YWHAE: variants seen among roughly 807,000 people sequenced by gnomAD.
The protein encoded by YWHAE is tyrosine 3-monooxygenase/tryptophan 5-monooxygenase activation protein epsilon.
A neutral mutation model predicts 30.1 loss-of-function variants in YWHAE; 4 were observed. The ratio of observed to expected loss-of-function variants is 0.13; its 90% CI spans 0.07 to 0.30. YWHAE has a LOEUF of 0.30. Among genes scored for constraint, YWHAE ranks in the 10% least tolerant of loss-of-function variants. YWHAE has a pLI of 1.00. For synonymous variants in YWHAE, 118 were observed against 111.8 expected, an observed-to-expected ratio of 1.06 and a Z score of -0.35; for missense variants, 121 against 315.9, an observed-to-expected ratio of 0.38 and a Z score of 4.68.
At chr17:1,378,796 A>G (rs1280167332) in intron 1 of YWHAE, among the ~76,000 whole-genome samples, 1 of 152,086 alleles carries the variant, frequency 6.6e-6, no homozygotes, top group East Asian at 1.9e-4. Flanking sequence ...AAATACCAAA[A>G]ATTAGTTGGG....
At position 1,367,218 on chromosome 17, in the gene YWHAE, A is replaced by C. The variant is rs549811273; in HGVS notation, c.65-2160T>G. On this transcript the variant is annotated intron_variant, in intron 1 of 5. Transcript: ENST00000264335. ...ACAGCAACTCTATTCATAATAGCCA[A>C]AAAGTGGAAACCCCTCAAATGTGCA... Among the ~76,000 whole-genome samples, 6 of 152,326 alleles carry C rather than the reference A, an allele frequency of 3.9e-5. No individual in the cohort carries two copies. In the South Asian group the frequency reaches 1.0e-3, roughly 26 times the overall value.
chr17:1,382,514 G>A (rs1173403928), intron 1 of YWHAE, among the ~76,000 whole-genome samples: 1 of 150,432 alleles, frequency 6.6e-6, no homozygotes, highest in Non-Finnish European at 1.5e-5. Context: ...CCACCACCAG[G>A]CCAGGCTAAT....
intron 4 of YWHAE, among the ~76,000 whole-genome samples, chr17:1,358,258 G>T (rs1221711883): frequency 6.6e-6 from 1 of 151,556 alleles, no homozygotes; most frequent in Non-Finnish European, 1.5e-5. Context: ...TTTTTTTTTT[G>T]AGACGGAGTC....
rs1266967793 is a variant in YWHAE, at chr17:1,355,153, T to A, written c.579-806A>T. On this transcript the variant is annotated intron_variant, in intron 4 of 5. Coordinates refer to ENST00000264335, the MANE Select transcript of YWHAE (RefSeq NM_006761.5). Reference sequence around the variant, plus strand: ...AAAAAAAAAAAAAAAAAAAAATTTTTTTTTTTTTTTTTTTTTTTTGGGGGA... The same window carrying A: ...AAAAAAAAAAAAAAAAAAAAATTTTATTTTTTTTTTTTTTTTTTTGGGGGA... Among the ~76,000 whole-genome samples the A allele has an allele frequency of 2.9e-4, 6 of 21,030 alleles. 1 individual carries two copies. Among genetic ancestry groups the A allele is most frequent in the South Asian group, 2.6e-3 (2 of 770 alleles). The allele number at this position is 21,030 out of a possible 152,430, so 13.8% of individuals were successfully genotyped here.
In YWHAE at chr17:1,400,036, C is replaced by T; in HGVS notation, c.64+11G>A. The T allele has an allele frequency of 6.2e-7, 1 of 1,613,630 alleles. No homozygotes were observed. The highest frequency in any genetic ancestry group is 8.5e-7 in the Non-Finnish European group (1 of 1,179,588). On this transcript the variant is annotated intron_variant, in intron 1 of 5. Transcript: ENST00000264335. ...CGAGAATTCCAGCCCCCCGTTGCCC[C>T]CCCAACTCACCGTCGTATCGCTCAG...
intron 5 of YWHAE, chr17:1,352,383 C>A (rs2072649273): frequency 6.6e-6 from 1 of 152,172 alleles, no homozygotes; most frequent in African/African-American, 2.4e-5. Flanking sequence ...AGAGAAAAGA[C>A]ACATACGTGC....
chr17:1,397,405 G>T (rs924677555), intron 1 of YWHAE, among the ~76,000 whole-genome samples: 3 of 152,148 alleles, frequency 2.0e-5, no homozygotes, highest in Non-Finnish European at 4.4e-5. Flanking sequence ...ACCCAAAATT[G>T]TCATTTTCCT....
Position 1,365,048 on chromosome 17 carries a change from C to T in YWHAE, c.75G>A (p.Glu25=). 6.2e-7 allele frequency: 1 copy of T among 1,613,986 alleles called. No individual in the cohort carries two copies. Among genetic ancestry groups the T allele is most frequent in the Non-Finnish European group, 8.5e-7 (1 of 1,180,010 alleles). The change falls in exon 2 of 6, where the codon GAG becomes GAA. Residue 25 remains glutamate, a synonymous_variant. Transcript: ENST00000264335. ...EQAERYDEMV[E]SMKKVAGMDV... is the part of the protein sequence containing the mutation. ...CCATCCCTGCTACTTTCTTCATTGA[C>T]TCCACCATTTCTGTATGGGAAAAGG...
At chr17:1,367,708 C>T (rs957850398) in intron 1 of YWHAE, among the ~76,000 whole-genome samples, 5 of 152,042 alleles carry the variant, frequency 3.3e-5, no homozygotes, top group African/African-American at 1.2e-4. Context: ...ATACAAGCAA[C>T]AATATGGAAG....
intron 1 of YWHAE, among the ~76,000 whole-genome samples, chr17:1,376,398 GAGAA>G (rs773967395): frequency 6.1e-4 from 44 of 72,210 alleles, no homozygotes; most frequent in Middle Eastern, 0.011. Flanking sequence ...AAGAAAGAGA[GAGAA>G]AGAAAGAAAA....
chr17:1,393,804 T>C (rs922667321), intron 1 of YWHAE, among the ~76,000 whole-genome samples: 1 of 152,172 alleles, frequency 6.6e-6, no homozygotes, highest in African/African-American at 2.4e-5. Flanking sequence ...TAAATCATGT[T>C]TTTTAAGAAT....
chr17:1,389,685 C>T (rs746757384), intron 1 of YWHAE, among the ~76,000 whole-genome samples: 31 of 151,632 alleles, frequency 2.0e-4, no homozygotes, highest in Admixed American at 5.3e-4. Context: ...CGCCCGCTAC[C>T]ACGCCCAGCT....
intron 2 of YWHAE, 34 bp from the exon 3 acceptor site, chr17:1,362,042 A>G: frequency 7.7e-7 from 1 of 1,303,598 alleles, no homozygotes. Context: ...AAATCAGATT[A>G]AGTCTAGAAA....
chr17:1,391,815 A>G lies in YWHAE; in HGVS notation c.64+8232T>C, dbSNP rs986704601. On this transcript the variant is annotated intron_variant, in intron 1 of 5. Coordinates refer to ENST00000264335, the MANE Select transcript of YWHAE (RefSeq NM_006761.5). ...TGGGATCCCGTCTCCACAAAAAAAA[A>G]GTTTTAATTAGCTGGTCATGGCGGT... Among the ~76,000 whole-genome samples the G allele has an allele frequency of 6.6e-5, 10 of 152,120 alleles. 1 individual carries two copies. The highest frequency in any genetic ancestry group is 2.4e-4 in the African/African-American group (10 of 41,418).
chr17:1,394,460 A>AAAC (rs1555647412), intron 1 of YWHAE, among the ~76,000 whole-genome samples: 5 of 137,540 alleles, frequency 3.6e-5, no homozygotes, highest in African/African-American at 1.4e-4. Flanking sequence ...AAAAAAAAAA[A>AAAC]ACACAAAAAT....
At chr17:1,361,779 A>C (rs2072868686) in intron 3 of YWHAE, 123 bp downstream of exon 3, 1 of 604,000 alleles carries the variant, frequency 1.7e-6, no homozygotes, top group Admixed American at 3.7e-5. Flanking sequence ...TACAATATTA[A>C]CTATCCTTCT....
chr17:1,349,530 ATTAAG>A (rs1328929071), intron 5 of YWHAE, among the ~76,000 whole-genome samples: 1 of 152,224 alleles, frequency 6.6e-6, no homozygotes, highest in African/African-American at 2.4e-5. Flanking sequence ...CCTAATAAAA[ATTAAG>A]TGAAAATTAC....
rs1240305144 is a variant in YWHAE at position 1,345,303 on chromosome 17, A to AC, written c.*143_*144insG. The AC allele has an allele frequency of 3.7e-5, 29 of 784,114 alleles. No individual in the cohort carries two copies. In the African/African-American group the frequency reaches 4.8e-4, roughly 13 times the overall value. 48.6% of individuals were successfully genotyped at this position (784,114 alleles called of 1,614,324 possible). ...TGAAAACTGTTTAAAAAAAAAAAAA[A>AC]AAAACCAACAGGGCAGGAACCTAAA... is the stretch of plus-strand genomic sequence containing the variant. On this transcript the variant is annotated 3_prime_UTR_variant, in exon 6 of 6. Coordinates refer to ENST00000264335, the MANE Select transcript of YWHAE (RefSeq NM_006761.5).
intron 5 of YWHAE, among the ~76,000 whole-genome samples, chr17:1,349,217 T>A (rs1201536009): frequency 6.6e-6 from 1 of 151,660 alleles, no homozygotes; most frequent in African/African-American, 2.4e-5. Context: ...GGTGGGCACC[T>A]GTAGTCCCAG....
Sources: gnomAD v4.1 joint callset for allele counts (sites outside exome capture counted in the v4.1 genomes callset) on GRCh38, gnomAD v4.1.1 for gene constraint, MANE v1.5 for transcripts, NCBI Gene and HGNC (gene_info 2026-07-23, HGNC 2026-07-21) for gene names.